THADA: variants seen among roughly 807,000 people sequenced by gnomAD.
The protein encoded by THADA is tRNA (32-2'-O)-methyltransferase regulator THADA.
In THADA, 213 loss-of-function variants were observed where a neutral mutation model predicts 219.8. That is an observed-to-expected ratio of 0.97 (90% CI 0.87 to 1.09). THADA has a LOEUF of 1.09. THADA is among the 50% of genes least tolerant of loss of function. The pLI, the probability that THADA is intolerant of heterozygous loss-of-function variation, is 0.00. For missense variants in THADA, 2,956 were observed against 2,311.3 expected (o/e 1.28, Z -5.72); for synonymous variants, 1,018 against 828.9 (o/e 1.23, Z -3.92).
chr2:43,428,092 G>A lies in THADA; in HGVS notation c.4058+8C>T, dbSNP rs770692278. On this transcript the variant is annotated splice_region_variant and intron_variant, in intron 28 of 37. Transcript: ENST00000405975. ...AACCTAGACAATTTCTACACAGCATGACACTACCTCATAATGAAGGGAACA... is the reference window on the plus strand; with the variant it reads ...AACCTAGACAATTTCTACACAGCATAACACTACCTCATAATGAAGGGAACA... 1.1e-5 allele frequency: 17 copies of A among 1,601,556 alleles called. No individual in the cohort carries two copies. In the East Asian group the frequency reaches 3.8e-4, roughly 36 times the overall value.
At chr2:43,291,454 CAAAAAAAAAA>C (rs765352765) in intron 34 of THADA, among the ~76,000 whole-genome samples, 24 of 8,096 alleles carry the variant, frequency 3.0e-3, no homozygotes, top group Non-Finnish European at 4.7e-3. Context: ...AACTCCATCT[CAAAAAAAAAA>C]AAAAAAAAAA....
intron 22 of THADA, among the ~76,000 whole-genome samples, chr2:43,514,160 G>A (rs1048683091): frequency 6.6e-6 from 1 of 151,754 alleles, no homozygotes; most frequent in Non-Finnish European, 1.5e-5. Flanking sequence ...AAATAAAAGT[G>A]TACTTTCAGC....
chr2:43,507,232 C>T (rs1490140017), intron 23 of THADA, among the ~76,000 whole-genome samples: 4 of 152,162 alleles, frequency 2.6e-5, no homozygotes, highest in East Asian at 1.9e-4. Context: ...CAGGGAACCA[C>T]GGCTTTTTTC....
intron 29 of THADA, among the ~76,000 whole-genome samples, chr2:43,348,623 G>A (rs1667909750): frequency 6.6e-6 from 1 of 152,228 alleles, no homozygotes; most frequent in Non-Finnish European, 1.5e-5. Flanking sequence ...ACATCTGAGA[G>A]AGCTTCTGCG....
rs1213080141 is a variant in THADA, at chr2:43,349,877, C to T, written c.4228-5640G>A. Among the ~76,000 whole-genome samples the T allele has an allele frequency of 3.3e-5, 5 of 152,082 alleles. No homozygotes were observed. The South Asian group carries it at 6.2e-4, about 19-fold the overall frequency. ...CAGACTGCAGGTGAATATTTTTGAC[C>T]CTATCACCTTCAGCCAAGTATAAAA... is the stretch of plus-strand genomic sequence containing the variant. On this transcript the variant is annotated intron_variant, in intron 29 of 37. Coordinates refer to ENST00000405975, the MANE Select transcript of THADA (RefSeq NM_022065.5).
intron 36 of THADA, among the ~76,000 whole-genome samples, chr2:43,272,502 T>C (rs1410568111): frequency 2.6e-5 from 4 of 152,166 alleles, no homozygotes; most frequent in Non-Finnish European, 4.4e-5. Flanking sequence ...AAGTGAATGA[T>C]TGAATACCCT....
intron 21 of THADA, among the ~76,000 whole-genome samples, chr2:43,531,585 C>G (rs780141415): frequency 6.6e-6 from 1 of 152,208 alleles, no homozygotes; most frequent in Non-Finnish European, 1.5e-5. Context: ...AGTGGATAAT[C>G]AGACTACATG....
At chr2:43,563,520 G>C (rs896827942) in intron 15 of THADA, 1 of 152,054 alleles carries the variant, frequency 6.6e-6, no homozygotes, top group Non-Finnish European at 1.5e-5. Context: ...TGTATTACTT[G>C]TTCATTACTA....
chr2:43,338,453 A>G (rs1434833897), intron 30 of THADA, among the ~76,000 whole-genome samples: 1 of 152,130 alleles, frequency 6.6e-6, no homozygotes, highest in Non-Finnish European at 1.5e-5. Context: ...CACTGTACCC[A>G]GCCTCCAGAA....
At position 43,578,600 on chromosome 2, in the gene THADA, CAGATCAT is replaced by C; in HGVS notation, c.722_728del (p.Asp241GlyfsTer11). ...CAGATGTGCTCTGTACAGTCTGTAA[CAGATCAT>C]CTATTTGGCAAAAAAGGAGAGAAGC... On this transcript the variant is annotated frameshift_variant and splice_region_variant, in exon 9 of 38. Transcript: ENST00000405975. LOFTEE classifies it high-confidence loss of function. 6.3e-7 allele frequency: 1 copy of C among 1,599,548 alleles called. No individual in the cohort carries two copies. Among genetic ancestry groups the C allele is most frequent in the South Asian group, 1.1e-5 (1 of 89,090 alleles).
chr2:43,550,279 A>G (rs1033332904), intron 19 of THADA, among the ~76,000 whole-genome samples: 2 of 152,198 alleles, frequency 1.3e-5, no homozygotes, highest in Non-Finnish European at 2.9e-5. Context: ...TACATCTATT[A>G]TTTTGACTTA....
intron 29 of THADA, among the ~76,000 whole-genome samples, chr2:43,364,038 A>G (rs1312685757): frequency 6.6e-6 from 1 of 152,144 alleles, no homozygotes; most frequent in East Asian, 1.9e-4. Flanking sequence ...CCTGGGCAAC[A>G]TGGTGAAACC....
intron 26 of THADA, among the ~76,000 whole-genome samples, chr2:43,476,729 A>T (rs1298283435): frequency 2.0e-5 from 3 of 152,194 alleles, no homozygotes; most frequent in Non-Finnish European, 4.4e-5. Flanking sequence ...CACCCACCCC[A>T]CAAACAGATA....
chr2:43,541,866 C>A (rs1015706826), intron 20 of THADA, among the ~76,000 whole-genome samples: 12 of 151,994 alleles, frequency 7.9e-5, no homozygotes, highest in Non-Finnish European at 1.5e-5. Flanking sequence ...CTTGTTTAAT[C>A]TTTAATTTCC....
In THADA at chr2:43,566,734, A is replaced by C; in HGVS notation, c.2275T>G (p.Leu759Val). The change falls in exon 15 of 38, where the codon TTA becomes GTA. Residue 759 changes from leucine (L) to valine (V), a missense_variant. Transcript: ENST00000405975. ...TGAAAAACTTCAGCTATTGAACCTAAAATGGTTAAAGCTGAAAATCTAGTC... is the reference window on the plus strand; with the variant it reads ...TGAAAAACTTCAGCTATTGAACCTACAATGGTTAAAGCTGAAAATCTAGTC... Reference protein sequence around the residue: ...YSTRFSALTILGSIAEVFHVP... With the variant: ...YSTRFSALTIVGSIAEVFHVP... 1.2e-6 allele frequency: 2 copies of C among 1,600,168 alleles called. No homozygotes were observed. Among genetic ancestry groups the C allele is most frequent in the South Asian group, 2.3e-5 (2 of 86,902 alleles).
chr2:43,335,798 A>T (rs981703592), intron 30 of THADA, among the ~76,000 whole-genome samples: 2 of 49,556 alleles, frequency 4.0e-5, no homozygotes, highest in Admixed American at 1.8e-4. Flanking sequence ...TCTCTACTTT[A>T]AAAAAAAAAA....
intron 25 of THADA, among the ~76,000 whole-genome samples, chr2:43,493,186 A>C (rs958496094): frequency 6.6e-6 from 1 of 152,164 alleles, no homozygotes; most frequent in Non-Finnish European, 1.5e-5. Context: ...TGGGGGAAGC[A>C]AGCTAAATAT....
chr2:43,567,723 C>T (rs968808565), intron 14 of THADA, among the ~76,000 whole-genome samples: 1 of 152,180 alleles, frequency 6.6e-6, no homozygotes, highest in South Asian at 2.1e-4. Flanking sequence ...CAGACTGTAG[C>T]CACAATATAT....
intron 29 of THADA, among the ~76,000 whole-genome samples, chr2:43,392,378 G>A (rs1020991218): frequency 6.6e-6 from 1 of 152,054 alleles, no homozygotes; most frequent in African/African-American, 2.4e-5. Context: ...AGAAACTCCA[G>A]TAGAGTTGAC....
Sources: gnomAD v4.1 joint callset for allele counts (sites outside exome capture counted in the v4.1 genomes callset) on GRCh38, gnomAD v4.1.1 for gene constraint, MANE v1.5 for transcripts, NCBI Gene and HGNC (gene_info 2026-07-23, HGNC 2026-07-21) for gene names.